NECAB1: variants seen among roughly 807,000 people sequenced by gnomAD.
NECAB1 encodes the protein N-terminal EF-hand calcium-binding protein 1.
In NECAB1, 29 loss-of-function variants were observed where a neutral mutation model predicts 57.5. The observed-to-expected ratio is 0.50, with a 90% CI of 0.38 to 0.69. The LOEUF (loss-of-function observed/expected upper bound fraction) is 0.69, where lower values mean the gene tolerates loss of function less well. Ranked by LOEUF, NECAB1 falls within the 30% of genes least tolerant of loss-of-function variation. NECAB1 has a pLI of 0.00. For synonymous variants in NECAB1, 142 were observed against 147.7 expected, an observed-to-expected ratio of 0.96 and a Z score of 0.28; for missense variants, 372 against 413.8, an observed-to-expected ratio of 0.90 and a Z score of 0.88.
chr8:90,891,090 A>G (rs1809153431), intron 5 of NECAB1, among the ~76,000 whole-genome samples: 2 of 152,242 alleles, frequency 1.3e-5, no homozygotes, highest in Admixed American at 6.5e-5. Flanking sequence ...AAAAGAAGTA[A>G]TAGAAACAAA....
intron 3 of NECAB1, among the ~76,000 whole-genome samples, chr8:90,840,583 C>G (rs967011317): frequency 1.3e-5 from 2 of 152,162 alleles, no homozygotes; most frequent in Non-Finnish European, 2.9e-5. Flanking sequence ...TACTATCCCT[C>G]AATATTAAGT....
At chr8:90,855,137 C>A (rs1812770252) in intron 3 of NECAB1, among the ~76,000 whole-genome samples, 1 of 152,298 alleles carries the variant, frequency 6.6e-6, no homozygotes, top group African/African-American at 2.4e-5. Flanking sequence ...TTCAGGCTAT[C>A]TTTTCTAACC....
intron 3 of NECAB1, among the ~76,000 whole-genome samples, chr8:90,871,781 A>T (rs777350140): frequency 3.3e-5 from 5 of 152,184 alleles, no homozygotes; most frequent in African/African-American, 4.8e-5. Context: ...AGACACAGAG[A>T]TGTAAAGTAG....
At chr8:90,953,707 A>G (rs1379030079) in intron 12 of NECAB1, among the ~76,000 whole-genome samples, 1 of 152,232 alleles carries the variant, frequency 6.6e-6, no homozygotes, top group African/African-American at 2.4e-5. Context: ...ATGGCCATAT[A>G]ACTTCTAACA....
At chr8:90,834,164 CAAA>C (rs71560282) in intron 3 of NECAB1, among the ~76,000 whole-genome samples, 14 of 49,138 alleles carry the variant, frequency 2.8e-4, no homozygotes, top group African/African-American at 7.3e-4. Flanking sequence ...AACTGTGTCT[CAAA>C]AAAAAAAAAA....
At chr8:90,906,419 G>A (rs773050836) in intron 5 of NECAB1, among the ~76,000 whole-genome samples, 1 of 152,060 alleles carries the variant, frequency 6.6e-6, no homozygotes, top group Non-Finnish European at 1.5e-5. Flanking sequence ...TCCTTTGAGT[G>A]TTCCAGCTTC....
rs117313374 is a variant in NECAB1 at position 90,858,664 on chromosome 8, C to G, written c.234-13464C>G. ...GCAAATGTAATTCCTCAGAAAGACC[C>G]CTGGAAGGGCCAAACTTCTCTAGAT... On this transcript the variant is annotated intron_variant, in intron 3 of 12. Coordinates refer to ENST00000417640, the MANE Select transcript of NECAB1 (RefSeq NM_022351.5). Among the ~76,000 whole-genome samples, 1,363 of 151,578 alleles carry G rather than the reference C, an allele frequency of 9.0e-3. 4 individuals are homozygous for G. Among genetic ancestry groups the G allele is most frequent in the Non-Finnish European group, 0.015 (1,026 of 67,876 alleles).
chr8:90,845,349 G>A (rs1216349238), intron 3 of NECAB1, among the ~76,000 whole-genome samples: 1 of 152,096 alleles, frequency 6.6e-6, no homozygotes, highest in East Asian at 1.9e-4. Context: ...GGAAATAATA[G>A]CAGGTGCTGT....
intron 3 of NECAB1, among the ~76,000 whole-genome samples, chr8:90,871,921 G>A (rs1230880822): frequency 1.3e-5 from 2 of 152,040 alleles, no homozygotes; most frequent in Non-Finnish European, 2.9e-5. Context: ...TAAATCTCAG[G>A]AATTATTTGT....
intron 3 of NECAB1, among the ~76,000 whole-genome samples, chr8:90,831,604 A>G (rs1236528914): frequency 6.6e-6 from 1 of 152,132 alleles, no homozygotes; most frequent in African/African-American, 2.4e-5. Context: ...TGAGCTGCCC[A>G]GGGTTCTATC....
At chr8:90,925,716 T>A (rs947054389) in intron 7 of NECAB1, 60 bp downstream of exon 7, 2 of 1,593,858 alleles carry the variant, frequency 1.3e-6, no homozygotes, top group African/African-American at 2.7e-5. Context: ...GTTTTCCAAT[T>A]GATTATTTTA....
intron 3 of NECAB1, among the ~76,000 whole-genome samples, chr8:90,833,885 A>G (rs2129727532): frequency 6.6e-6 from 1 of 152,256 alleles, no homozygotes; most frequent in Admixed American, 6.5e-5. Context: ...ATTCTCAGCC[A>G]GGCGTGGTGG....
intron 5 of NECAB1, among the ~76,000 whole-genome samples, chr8:90,891,322 T>G (rs1341795916): frequency 2.6e-5 from 4 of 152,186 alleles, no homozygotes; most frequent in African/African-American, 9.6e-5. Context: ...TTCTCTCATA[T>G]CTACTTATTT....
intron 3 of NECAB1, among the ~76,000 whole-genome samples, chr8:90,857,736 T>C (rs1812819730): frequency 6.6e-6 from 1 of 152,128 alleles, no homozygotes; most frequent in Non-Finnish European, 1.5e-5. Context: ...ATCCCAGATA[T>C]TCAATTTATT....
intron 5 of NECAB1, among the ~76,000 whole-genome samples, chr8:90,901,408 T>A (rs1232873964): frequency 6.6e-6 from 1 of 152,220 alleles, no homozygotes; most frequent in Admixed American, 6.5e-5. Context: ...TTGACCCTTG[T>A]AGCCTCATGA....
intron 2 of NECAB1, among the ~76,000 whole-genome samples, chr8:90,824,085 G>T (rs1019653943): frequency 5.3e-5 from 8 of 151,620 alleles, no homozygotes; most frequent in Non-Finnish European, 2.9e-5. Context: ...GTCTCTTATT[G>T]CATTAACCGT....
At chr8:90,934,450 G>GA in intron 9 of NECAB1, 93 bp downstream of exon 9, 1 of 817,188 alleles carries the variant, frequency 1.2e-6, no homozygotes, top group Non-Finnish European at 1.8e-6. Flanking sequence ...ATGAAAAATT[G>GA]AAAAACCAAG....
chr8:90,929,857 CA>C (rs1278400651), intron 8 of NECAB1, among the ~76,000 whole-genome samples: 1 of 152,044 alleles, frequency 6.6e-6, no homozygotes. Flanking sequence ...ATGGCATCTG[CA>C]AGGTTCAGTA....
At chr8:90,885,936 A>G (rs369175846) in intron 5 of NECAB1, among the ~76,000 whole-genome samples, 1 of 152,320 alleles carries the variant, frequency 6.6e-6, no homozygotes. Context: ...GCTCAGTGTA[A>G]TATGTGAAGA....
Sources: gnomAD v4.1 joint callset for allele counts (sites outside exome capture counted in the v4.1 genomes callset) on GRCh38, gnomAD v4.1.1 for gene constraint, MANE v1.5 for transcripts, NCBI Gene and HGNC (gene_info 2026-07-23, HGNC 2026-07-21) for gene names.